Variants in LIPI observed in about 807,000 individuals in gnomAD.
LIPI encodes the protein lipase member I.
A neutral mutation model predicts 50.6 loss-of-function variants in LIPI; 59 were observed. The observed-to-expected ratio is 1.16, with a 90% CI of 0.94 to 1.45. LIPI has a LOEUF of 1.45. Among genes scored for constraint, LIPI ranks in the 40% most tolerant of loss-of-function variants. The pLI is 0.00. For synonymous variants in LIPI, 203 were observed against 178.2 expected, an observed-to-expected ratio of 1.14 and a Z score of -1.11; for missense variants, 586 against 536.3, an observed-to-expected ratio of 1.09 and a Z score of -0.92.
intron 9 of LIPI, among the ~76,000 whole-genome samples, chr21:14,127,229 A>T (rs1341164850): frequency 6.6e-6 from 1 of 152,218 alleles, no homozygotes; most frequent in African/African-American, 2.4e-5. Flanking sequence ...TATAACTCAC[A>T]TTCCCAATAA....
At position 14,186,635 on chromosome 21, in the gene LIPI, C is replaced by G. The variant is rs766811978; in HGVS notation, c.433-566G>C. 8.5e-4 allele frequency among the ~76,000 whole-genome samples: 130 copies of G among 152,274 alleles called. 1 individual carries two copies. The highest frequency in any genetic ancestry group is 4.3e-4 in the Non-Finnish European group (29 of 68,016). On this transcript the variant is annotated intron_variant, in intron 2 of 9. Transcript: ENST00000681601. The stretch of plus-strand genomic sequence containing the variant: ...CTGTGGTCTGAATGTTTGTGTCTCC[C>G]TAAAATTCATATGTTGGAATTCTAA...
chr21:14,196,090 A>G (rs986454919), intron 1 of LIPI, among the ~76,000 whole-genome samples: 1 of 151,680 alleles, frequency 6.6e-6, no homozygotes, highest in Non-Finnish European at 1.5e-5. Flanking sequence ...CATGAGAAAT[A>G]AAAACATGTC....
intron 9 of LIPI, among the ~76,000 whole-genome samples, chr21:14,141,106 T>C (rs1325074779): frequency 6.6e-6 from 1 of 152,178 alleles, no homozygotes; most frequent in East Asian, 1.9e-4. Context: ...TTTTAGTTCC[T>C]GGTTTTCAGT....
At chr21:14,197,863 G>A (rs2019916112) in intron 1 of LIPI, among the ~76,000 whole-genome samples, 1 of 151,884 alleles carries the variant, frequency 6.6e-6, no homozygotes, top group Non-Finnish European at 1.5e-5. Context: ...GTTAAAGGCA[G>A]CCAGAGAGAA....
At chr21:14,148,556 A>G (rs1041650620) in intron 8 of LIPI, among the ~76,000 whole-genome samples, 43 of 152,238 alleles carry the variant, frequency 2.8e-4, no homozygotes, top group African/African-American at 1.0e-3. Context: ...AATATTTACC[A>G]TTGTGTTACA....
chr21:14,187,943 C>A (rs1181428048), intron 2 of LIPI, among the ~76,000 whole-genome samples: 5 of 152,156 alleles, frequency 3.3e-5, no homozygotes, highest in Non-Finnish European at 7.3e-5. Flanking sequence ...TTGAACCCAT[C>A]CAGTCTGACC....
intron 4 of LIPI, among the ~76,000 whole-genome samples, chr21:14,170,218 A>G (rs977178563): frequency 6.6e-6 from 1 of 152,202 alleles, no homozygotes; most frequent in African/African-American, 2.4e-5. Context: ...TGTGGCAATA[A>G]TCAATAGCTT....
At chr21:14,115,126 T>A (rs1318599865) in intron 9 of LIPI, among the ~76,000 whole-genome samples, 1 of 151,956 alleles carries the variant, frequency 6.6e-6, no homozygotes, top group Non-Finnish European at 1.5e-5. Flanking sequence ...CCCCCCATAG[T>A]CTAAGTTAGA....
chr21:14,119,288 C>A (rs2016774775), intron 9 of LIPI, among the ~76,000 whole-genome samples: 4 of 152,132 alleles, frequency 2.6e-5, no homozygotes, highest in Admixed American at 2.6e-4. Context: ...CTAGCTACAC[C>A]CACCAGAAAG....
At chr21:14,135,448 C>T (rs1234362812) in intron 9 of LIPI, among the ~76,000 whole-genome samples, 1 of 152,148 alleles carries the variant, frequency 6.6e-6, no homozygotes, top group African/African-American at 2.4e-5. Context: ...CCACTCCTCC[C>T]CCATCCCCAG....
intron 1 of LIPI, chr21:14,206,864 C>A: frequency 6.2e-7 from 1 of 1,612,798 alleles, no homozygotes; most frequent in Non-Finnish European, 8.5e-7. Context: ...TGGGTGAGAA[C>A]TGAAAAGCAT....
chr21:14,164,390 G>A (rs1043459848), intron 6 of LIPI, among the ~76,000 whole-genome samples: 1 of 152,146 alleles, frequency 6.6e-6, no homozygotes, highest in Non-Finnish European at 1.5e-5. Flanking sequence ...AGACAGAAAA[G>A]TCTATGAGAA....
At chr21:14,203,782 A>G (rs2020143346) in intron 1 of LIPI, among the ~76,000 whole-genome samples, 1 of 152,014 alleles carries the variant, frequency 6.6e-6, no homozygotes, top group Non-Finnish European at 1.5e-5. Flanking sequence ...GCACACCAAC[A>G]TGGCACATGT....
intron 8 of LIPI, among the ~76,000 whole-genome samples, chr21:14,151,397 T>A (rs2018085334): frequency 6.6e-6 from 1 of 152,202 alleles, no homozygotes. Context: ...GTTAATTAGT[T>A]AATTTATGTA....
At chr21:14,206,879 A>C (rs1237798668) in intron 1 of LIPI, 3 of 1,612,664 alleles carry the variant, frequency 1.9e-6, no homozygotes, top group East Asian at 2.2e-5. Flanking sequence ...AAGCATGAGC[A>C]CTATATTTTT....
At chr21:14,143,437 T>C (rs1460319478) in intron 9 of LIPI, 1 of 152,154 alleles carries the variant, frequency 6.6e-6, no homozygotes, top group African/African-American at 2.4e-5. Flanking sequence ...TTCCCAACTC[T>C]CTTCTGTTGA....
At chr21:14,115,269 C>T (rs868500381) in intron 9 of LIPI, among the ~76,000 whole-genome samples, 32 of 152,222 alleles carry the variant, frequency 2.1e-4, no homozygotes, top group Middle Eastern at 3.4e-3. Context: ...AAGGTTGATA[C>T]AGAAACATAG....
At chr21:14,112,095 C>T (rs1252035334) in intron 9 of LIPI, among the ~76,000 whole-genome samples, 1 of 152,030 alleles carries the variant, frequency 6.6e-6, no homozygotes, top group Non-Finnish European at 1.5e-5. Context: ...AGAGACTGTC[C>T]TTTCTCCATT....
intron 4 of LIPI, among the ~76,000 whole-genome samples, chr21:14,167,688 GGACATC>G (rs1454637845): frequency 1.3e-5 from 2 of 152,058 alleles, no homozygotes; most frequent in Admixed American, 1.3e-4. Context: ...CAAACAGAAA[GGACATC>G]CACACCAAAA....
Sources: gnomAD v4.1 joint callset for allele counts (sites outside exome capture counted in the v4.1 genomes callset) on GRCh38, gnomAD v4.1.1 for gene constraint, MANE v1.5 for transcripts, NCBI Gene and HGNC (gene_info 2026-07-23, HGNC 2026-07-21) for gene names.